Variants in KCNC1 observed in about 807,000 individuals in gnomAD.
The protein encoded by KCNC1 is voltage-gated potassium channel KCNC1.
In KCNC1, 8 loss-of-function variants were observed where a neutral mutation model predicts 43.4. The ratio of observed to expected loss-of-function variants is 0.18; its 90% CI spans 0.11 to 0.33. The LOEUF is 0.33. Among genes scored for constraint, KCNC1 ranks in the 10% least tolerant of loss-of-function variants. The probability of loss-of-function intolerance (pLI) is 1.00; values close to 1 mark genes in which losing one functional copy is unlikely to be tolerated. For missense variants in KCNC1, 420 were observed against 836.0 expected, an observed-to-expected ratio of 0.50 and a Z score of 6.14; for synonymous variants, 361 against 360.5, an observed-to-expected ratio of 1.00 and a Z score of -0.01.
intron 1 of KCNC1, among the ~76,000 whole-genome samples, chr11:17,743,279 A>G (rs1247707646): frequency 6.6e-6 from 1 of 152,184 alleles, no homozygotes; most frequent in Non-Finnish European, 1.5e-5. Context: ...CTGGAGCTCT[A>G]TCTGTAACTA....
rs1021159904 is a variant in KCNC1, at chr11:17,776,209, T to C, written c.1505-3247T>C. The C allele has an allele frequency of 1.1e-5, 11 of 985,320 alleles. No homozygotes were observed. In the African/African-American group the frequency reaches 1.9e-4, roughly 17 times the overall value. The allele number at this position is 985,320 out of a possible 1,614,324, so 61.0% of individuals were successfully genotyped here. ...TTTCTCTCTTTCTCTCTCTCTCCAC[T>C]AATCATGTTTCTCTCTCTCTCCTCG... On this transcript the variant is annotated intron_variant, in intron 2 of 3. Transcript: ENST00000265969. The surrounding 1 kb of genome is among the most constrained non-coding windows in gnomAD (Gnocchi z 4.4).
Position 17,779,495 on chromosome 11 carries a change from C to T in KCNC1, c.1544C>T (p.Ala515Val), listed in dbSNP as rs917512311. The change falls in exon 3 of 4, where the codon GCG becomes GTG. Residue 515 changes from alanine (A) to valine (V), a missense_variant. This residue lies in a region of KCNC1 where 147 missense variants were observed against 176.1 expected (regional missense o/e 0.83). Transcript: ENST00000265969. This position sits in a 1 kb window ranked among gnomAD's most constrained non-coding sequence, Gnocchi z 7.2. ...GGGGAGGTGGCGAAGGCCGCGCTGG[C>T]GAACGAAGACTGCCCCCACATAGAC... is the stretch of plus-strand genomic sequence containing the variant. ...LNGEVAKAAL[A>V]NEDCPHIDQA... is the part of the protein sequence containing the mutation. 33 of 1,550,074 alleles carry T rather than the reference C, an allele frequency of 2.1e-5. No homozygotes were observed. The highest frequency in any genetic ancestry group is 7.9e-5 in the Admixed American group (4 of 50,550).
At chr11:17,770,388 G>C (rs1849211050) in intron 1 of KCNC1, among the ~76,000 whole-genome samples, 1 of 152,240 alleles carries the variant, frequency 6.6e-6, no homozygotes, top group Non-Finnish European at 1.5e-5. Context: ...GCAGGCGGGA[G>C]TGACTATCTG....
intron 1 of KCNC1, among the ~76,000 whole-genome samples, chr11:17,738,442 T>C (rs1057389791): frequency 3.3e-5 from 5 of 152,128 alleles, no homozygotes; most frequent in Non-Finnish European, 5.9e-5. Context: ...TTGGGCAGCA[T>C]CTCCCCCACC....
In KCNC1 at chr11:17,776,574, C is replaced by G. The variant is rs1409014223; in HGVS notation, c.1505-2882C>G. 1.0e-6 allele frequency: 1 copy of G among 985,340 alleles called. No homozygotes were observed. The highest frequency in any genetic ancestry group is 6.1e-5 in the Admixed American group (1 of 16,268). The allele number at this position is 985,340 out of a possible 1,614,324, so 61.0% of individuals were successfully genotyped here. Reference sequence around the variant, plus strand: ...GATGCTCATCTCAGCCCATTTCAAGCCTGGAAACCATCTCTGAGACGCTGC... The same window carrying G: ...GATGCTCATCTCAGCCCATTTCAAGGCTGGAAACCATCTCTGAGACGCTGC... On this transcript the variant is annotated intron_variant, in intron 2 of 3. Transcript: ENST00000265969. The surrounding 1 kb of genome is among the most constrained non-coding windows in gnomAD (Gnocchi z 4.4).
At position 17,735,875 on chromosome 11, in the gene KCNC1, C is replaced by T. The variant is rs1848759029; in HGVS notation, c.-128C>T. The T allele has an allele frequency of 6.2e-6, 7 of 1,134,798 alleles. No individual in the cohort carries two copies. In the South Asian group the frequency reaches 1.1e-4, roughly 18 times the overall value. The allele number at this position is 1,134,798 out of a possible 1,614,324, so 70.3% of individuals were successfully genotyped here. ...CGTTGGGGTGGCCAGAGCCGCAGGC[C>T]TCTGTTCCCCCCGACGGCTGGGGGG... On this transcript the variant is annotated 5_prime_UTR_variant, in exon 1 of 4. Coordinates refer to ENST00000265969, the MANE Select transcript of KCNC1 (RefSeq NM_001112741.2). This position sits in a 1 kb window ranked among gnomAD's most constrained non-coding sequence, Gnocchi z 6.7.
chr11:17,735,970 G>T lies in KCNC1; in HGVS notation c.-33G>T. The T allele has an allele frequency of 7.1e-7, 1 of 1,405,276 alleles. No homozygotes were observed. The highest frequency in any genetic ancestry group is 1.6e-5 in the South Asian group (1 of 63,924). The allele number at this position is 1,405,276 out of a possible 1,614,324, so 87.1% of individuals were successfully genotyped here. A position where few individuals can be genotyped will look rare whatever the true frequency, so the allele number is the denominator to read the frequency against. Reference sequence around the variant, plus strand: ...CCTGGCGGCCGCTCCCATGGGTGTCGCTGGGCCGCGCCATGCCTAAGGGGG... The same window carrying T: ...CCTGGCGGCCGCTCCCATGGGTGTCTCTGGGCCGCGCCATGCCTAAGGGGG... On this transcript the variant is annotated 5_prime_UTR_variant, in exon 1 of 4. Coordinates refer to ENST00000265969, the MANE Select transcript of KCNC1 (RefSeq NM_001112741.2). The surrounding 1 kb of genome is among the most constrained non-coding windows in gnomAD (Gnocchi z 6.7).
chr11:17,735,817 C>T lies in KCNC1; in HGVS notation c.-186C>T, dbSNP rs1848757871. 4 of 594,704 alleles carry T rather than the reference C, an allele frequency of 6.7e-6. No homozygotes were observed. The highest frequency in any genetic ancestry group is 1.1e-5 in the Non-Finnish European group (4 of 376,676). The allele number at this position is 594,704 out of a possible 1,614,324, so 36.8% of individuals were successfully genotyped here. A position where few individuals can be genotyped will look rare whatever the true frequency, so the allele number is the denominator to read the frequency against. Reference sequence around the variant, plus strand: ...CCGCGCACATTCCCCTGGACCGGCACCCGACAAAGCGCCCGGAGAGGCTTG... The same window carrying T: ...CCGCGCACATTCCCCTGGACCGGCATCCGACAAAGCGCCCGGAGAGGCTTG... On this transcript the variant is annotated 5_prime_UTR_variant, in exon 1 of 4. Coordinates refer to ENST00000265969, the MANE Select transcript of KCNC1 (RefSeq NM_001112741.2). The surrounding 1 kb of genome is among the most constrained non-coding windows in gnomAD (Gnocchi z 6.7).
chr11:17,766,198 C>T (rs540010560), intron 1 of KCNC1, among the ~76,000 whole-genome samples: 34 of 152,308 alleles, frequency 2.2e-4, no homozygotes, highest in Non-Finnish European at 3.2e-4. Flanking sequence ...TGCGTGTGTG[C>T]GCCTTGCAGT....
At position 17,739,635 on chromosome 11, in the gene KCNC1, C is replaced by T. The variant is rs1326319283; in HGVS notation, c.570+3063C>T. Among the ~76,000 whole-genome samples the T allele has an allele frequency of 6.9e-6, 1 of 145,202 alleles. No individual in the cohort carries two copies. Among genetic ancestry groups the T allele is most frequent in the Non-Finnish European group, 1.5e-5 (1 of 66,702 alleles). ...TGCGTGAGTGTGTGGCTGTGTGTGG[C>T]AAGTGTGAAACTGTATATGTGGAGC... On this transcript the variant is annotated intron_variant, in intron 1 of 3. Coordinates refer to ENST00000265969, the MANE Select transcript of KCNC1 (RefSeq NM_001112741.2). This position sits in a 1 kb window ranked among gnomAD's most constrained non-coding sequence, Gnocchi z 4.2.
chr11:17,743,401 C>G (rs1031143256), intron 1 of KCNC1, among the ~76,000 whole-genome samples: 4 of 152,220 alleles, frequency 2.6e-5, no homozygotes, highest in Non-Finnish European at 5.9e-5. Flanking sequence ...TCCACTCTTT[C>G]CCAACAACCT....
chr11:17,747,565 T>C (rs749119773), intron 1 of KCNC1, among the ~76,000 whole-genome samples: 12 of 152,264 alleles, frequency 7.9e-5, no homozygotes, highest in Non-Finnish European at 1.8e-4. Flanking sequence ...GGCTGGGGGC[T>C]CCTGTTGGGT....
chr11:17,756,105 C>T (rs762904981), intron 1 of KCNC1, among the ~76,000 whole-genome samples: 8 of 152,132 alleles, frequency 5.3e-5, no homozygotes, highest in South Asian at 2.1e-4. Context: ...GCCTGAGCAG[C>T]GCTCCCCTTC....
chr11:17,739,824 C>T lies in KCNC1; in HGVS notation c.570+3252C>T, dbSNP rs891869054. 2.0e-5 allele frequency among the ~76,000 whole-genome samples: 3 copies of T among 151,654 alleles called. No individual in the cohort carries two copies. The highest frequency in any genetic ancestry group is 4.9e-5 in the African/African-American group (2 of 41,236). On this transcript the variant is annotated intron_variant, in intron 1 of 3. Transcript: ENST00000265969. The surrounding 1 kb of genome is among the most constrained non-coding windows in gnomAD (Gnocchi z 4.2). ...GTGAAATCCTGTGTGTGACAGTGTA[C>T]GTGATGTGTGTGAGAACCCACGTGT...
chr11:17,746,878 T>C (rs1848905103), intron 1 of KCNC1, among the ~76,000 whole-genome samples: 1 of 152,152 alleles, frequency 6.6e-6, no homozygotes, highest in Non-Finnish European at 1.5e-5. Context: ...TCTCCTAACC[T>C]GTCTGTGCCT....
At position 17,777,366 on chromosome 11, in the gene KCNC1, G is replaced by A. The variant is rs571844894; in HGVS notation, c.1505-2090G>A. The A allele has an allele frequency of 1.5e-5, 15 of 985,872 alleles. No individual in the cohort carries two copies. Among genetic ancestry groups the A allele is most frequent in the Admixed American group, 6.1e-5 (1 of 16,286 alleles). The allele number at this position is 985,872 out of a possible 1,614,324, so 61.1% of individuals were successfully genotyped here. A position where few individuals can be genotyped will look rare whatever the true frequency, so the allele number is the denominator to read the frequency against. ...CCTCACTCCCCTCCCAGAAGGAGAC[G>A]CTGCCTGGGAGGACCCACTGTTCTC... is the stretch of plus-strand genomic sequence containing the variant. On this transcript the variant is annotated intron_variant, in intron 2 of 3. Coordinates refer to ENST00000265969, the MANE Select transcript of KCNC1 (RefSeq NM_001112741.2). This position sits in a 1 kb window ranked among gnomAD's most constrained non-coding sequence, Gnocchi z 4.3.
rs1416367955 is a variant in KCNC1, at chr11:17,742,911, TC to T, written c.570+6341del. On this transcript the variant is annotated intron_variant, in intron 1 of 3. Coordinates refer to ENST00000265969, the MANE Select transcript of KCNC1 (RefSeq NM_001112741.2). The surrounding 1 kb of genome is among the most constrained non-coding windows in gnomAD (Gnocchi z 4.2). ...CTTCTCTTATCTACTCCCATTAATT[TC>T]CTTCCTGGGGGAAGTGGAATACACA... Among the ~76,000 whole-genome samples the T allele has an allele frequency of 6.6e-6, 1 of 152,108 alleles. No homozygotes were observed. Among genetic ancestry groups the T allele is most frequent in the Non-Finnish European group, 1.5e-5 (1 of 68,036 alleles).
Position 17,773,726 on chromosome 11 carries a change from A to G in KCNC1, c.1504+1128A>G, listed in dbSNP as rs1347056139. On this transcript the variant is annotated intron_variant, in intron 2 of 3. Coordinates refer to ENST00000265969, the MANE Select transcript of KCNC1 (RefSeq NM_001112741.2). This position sits in a 1 kb window ranked among gnomAD's most constrained non-coding sequence, Gnocchi z 4.1. The stretch of plus-strand genomic sequence containing the variant: ...TCCGAAGATATAAAGCCCATAGTCT[A>G]CCTCTACCCATGGAATACCATCGAC... 4.1e-6 allele frequency: 4 copies of G among 985,320 alleles called. No individual in the cohort carries two copies. Among genetic ancestry groups the G allele is most frequent in the Non-Finnish European group, 4.8e-6 (4 of 829,948 alleles). The allele number at this position is 985,320 out of a possible 1,614,324, so 61.0% of individuals were successfully genotyped here.
rs1849258446 is a variant in KCNC1 at position 17,773,932 on chromosome 11, G to A, written c.1504+1334G>A. ...GCTGGCTAGCTCAGCCCCAGGTGGG[G>A]AAGTTTCCCCCTGGTTTGGGTGGCC... is the stretch of plus-strand genomic sequence containing the variant. On this transcript the variant is annotated intron_variant, in intron 2 of 3. Coordinates refer to ENST00000265969, the MANE Select transcript of KCNC1 (RefSeq NM_001112741.2). The surrounding 1 kb of genome is among the most constrained non-coding windows in gnomAD (Gnocchi z 4.1). 2.0e-6 allele frequency: 2 copies of A among 985,340 alleles called. No homozygotes were observed. The highest frequency in any genetic ancestry group is 2.4e-6 in the Non-Finnish European group (2 of 829,960). 61.0% of individuals were successfully genotyped at this position (985,340 alleles called of 1,614,324 possible).
Sources: gnomAD v4.1 joint callset for allele counts (sites outside exome capture counted in the v4.1 genomes callset) on GRCh38, gnomAD v4.1.1 for gene constraint, gnomAD v4.1.1 regional missense constraint, Gnocchi (gnomAD v3.1) non-coding constraint, MANE v1.5 for transcripts, NCBI Gene and HGNC (gene_info 2026-07-23, HGNC 2026-07-21) for gene names.